Variants in PIK3CD observed in about 807,000 individuals in gnomAD.
The protein encoded by PIK3CD is phosphatidylinositol 4,5-bisphosphate 3-kinase catalytic subunit delta isoform.
In PIK3CD, 20 loss-of-function variants were observed where a neutral mutation model predicts 122.9. That is an observed-to-expected ratio of 0.16 (90% confidence interval 0.11 to 0.24). PIK3CD has a LOEUF of 0.24. Among genes scored for constraint, PIK3CD ranks in the 10% least tolerant of loss-of-function variants. PIK3CD has a pLI of 1.00. For missense variants in PIK3CD, 787 were observed against 1,406.3 expected, an observed-to-expected ratio of 0.56 and a Z score of 7.04; for synonymous variants, 596 against 593.4, an observed-to-expected ratio of 1.00 and a Z score of -0.06.
intron 1 of PIK3CD, among the ~76,000 whole-genome samples, chr1:9,655,697 CTT>C (rs576002642): frequency 9.9e-5 from 12 of 120,756 alleles, no homozygotes; most frequent in Admixed American, 2.8e-4. Context: ...CTTTTTTCTT[CTT>C]TTTTTTTTTT....
chr1:9,667,347 C>T (rs1319838922), intron 1 of PIK3CD, among the ~76,000 whole-genome samples: 1 of 152,070 alleles, frequency 6.6e-6, no homozygotes, highest in East Asian at 1.9e-4. Context: ...AGTTTCATAA[C>T]ATCCTTGCCA....
At chr1:9,641,407 G>A in the PIK3CD span, among the ~76,000 whole-genome samples, 1 of 152,126 alleles carries the variant, frequency 6.6e-6, no homozygotes, top group Non-Finnish European at 1.5e-5. Flanking sequence ...TGGGTCAGAG[G>A]GTACATTATT....
chr1:9,702,215 G>A (rs1165019011), intron 2 of PIK3CD, among the ~76,000 whole-genome samples: 6 of 151,830 alleles, frequency 4.0e-5, no homozygotes, highest in Non-Finnish European at 8.8e-5. Context: ...GGCTGGACTC[G>A]AACTCCTGAC....
At position 9,710,295 on chromosome 1, in the gene PIK3CD, C is replaced by T. The variant is rs1334500681; in HGVS notation, c.-32-129C>T. The T allele has an allele frequency of 3.9e-6, 3 of 778,738 alleles. No individual in the cohort carries two copies. The highest frequency in any genetic ancestry group is 4.5e-6 in the Non-Finnish European group (2 of 448,506). The allele number at this position is 778,738 out of a possible 1,614,324, so 48.2% of individuals were successfully genotyped here. On this transcript the variant is annotated intron_variant, in intron 2 of 23. Coordinates refer to ENST00000377346, the MANE Select transcript of PIK3CD (RefSeq NM_005026.5). The surrounding 1 kb of genome is among the most constrained non-coding windows in gnomAD (Gnocchi z 4.7). ...CCCTGAGGGAGGTGAGCTTTTTGTA[C>T]CCGCAGGTCGGGAACTCACTCCTGA...
the PIK3CD span, among the ~76,000 whole-genome samples, chr1:9,645,095 G>A: frequency 2.7e-5 from 4 of 146,132 alleles, no homozygotes; most frequent in African/African-American, 7.7e-5. Flanking sequence ...GCGCAACCTC[G>A]GCTCACTGCC....
At chr1:9,633,334 T>C in the PIK3CD span, among the ~76,000 whole-genome samples, 6 of 151,576 alleles carry the variant, frequency 4.0e-5, no homozygotes, top group East Asian at 1.2e-3. Flanking sequence ...CAATAATCAA[T>C]GTCGCTCTTG....
intron 2 of PIK3CD, 142 bp downstream of exon 2, chr1:9,691,713 G>A (rs1646203654): frequency 2.6e-6 from 1 of 390,970 alleles, no homozygotes; most frequent in East Asian, 3.6e-5. Context: ...CACACCCAGA[G>A]GAAGAGAGTG....
chr1:9,723,372 G>T lies in PIK3CD; in HGVS notation c.2594+80G>T. The T allele has an allele frequency of 7.0e-7, 1 of 1,437,450 alleles. No individual in the cohort carries two copies. Among genetic ancestry groups the T allele is most frequent in the Non-Finnish European group, 9.8e-7 (1 of 1,020,786 alleles). 89.0% of individuals were successfully genotyped at this position (1,437,450 alleles called of 1,614,324 possible). On this transcript the variant is annotated intron_variant, in intron 20 of 23. Coordinates refer to ENST00000377346, the MANE Select transcript of PIK3CD (RefSeq NM_005026.5). The surrounding 1 kb of genome is among the most constrained non-coding windows in gnomAD (Gnocchi z 4.9). ...GGAGGGCCTCGCCTGTCAGAACAAA[G>T]GAGCGGGGAGGGGCCTCAGACCATC...
the PIK3CD span, among the ~76,000 whole-genome samples, chr1:9,641,080 T>G: frequency 6.6e-6 from 1 of 152,148 alleles, no homozygotes; most frequent in African/African-American, 2.4e-5. Flanking sequence ...AGCACAACAC[T>G]GTATCTTATT....
At position 9,715,047 on chromosome 1, in the gene PIK3CD, C is replaced by T. The variant is rs1453167868; in HGVS notation, c.142-494C>T. Among the ~76,000 whole-genome samples, 1 of 152,110 alleles carries T rather than the reference C, an allele frequency of 6.6e-6. No homozygotes were observed. Among genetic ancestry groups the T allele is most frequent in the Non-Finnish European group, 1.5e-5 (1 of 68,018 alleles). ...AAAAATTTAGCCAGGCATGGTGGTG[C>T]ATGCCTATAATCCCAGCTACTCGGG... is the stretch of plus-strand genomic sequence containing the variant. On this transcript the variant is annotated intron_variant, in intron 3 of 23. Transcript: ENST00000377346. The surrounding 1 kb of genome is among the most constrained non-coding windows in gnomAD (Gnocchi z 4.1).
chr1:9,664,142 G>A (rs1472448117), intron 1 of PIK3CD, among the ~76,000 whole-genome samples: 1 of 147,356 alleles, frequency 6.8e-6, no homozygotes, highest in Non-Finnish European at 1.5e-5. Context: ...TCCACCTCCC[G>A]GGTTCAAGTG....
chr1:9,725,078 A>AGCTCCACTGCTGG, intron 23 of PIK3CD, 142 bp downstream of exon 23: 1 of 1,113,438 alleles, frequency 9.0e-7, no homozygotes, highest in Non-Finnish European at 1.3e-6. Flanking sequence ...AGGACCCAGC[A>AGCTCCACTGCTGG]GTGGAGCTGG....
At chr1:9,697,992 C>T (rs1292499046) in intron 2 of PIK3CD, among the ~76,000 whole-genome samples, 1 of 151,988 alleles carries the variant, frequency 6.6e-6, no homozygotes, top group Non-Finnish European at 1.5e-5. Context: ...GATTGCACCA[C>T]TGCACTCCAG....
At chr1:9,630,740 G>GCA in the PIK3CD span, among the ~76,000 whole-genome samples, 645 of 114,476 alleles carry the variant, frequency 5.6e-3, 3 homozygotes, top group Admixed American at 9.6e-3. Context: ...GTGTGTGTGT[G>GCA]CAGAAGAGGG....
At position 9,716,484 on chromosome 1, in the gene PIK3CD, G is replaced by A. The variant is rs748293821; in HGVS notation, c.645G>A (p.Ala215=). The A allele has an allele frequency of 3.7e-6, 6 of 1,610,986 alleles. No individual in the cohort carries two copies. Among genetic ancestry groups the A allele is most frequent in the African/African-American group, 1.3e-5 (1 of 74,864 alleles). ...TGTCCACCAAGGACGTGCCGCTGGC[G>A]CTGATGGCCTGTGCCCTGCGGAAGA... ...FQVSTKDVPL[A]LMACALRKKA... The change falls in exon 6 of 24, where the codon GCG becomes GCA. Residue 215 remains alanine (A), a synonymous_variant. Transcript: ENST00000377346.
At chr1:9,660,198 C>T (rs1228545262) in intron 1 of PIK3CD, among the ~76,000 whole-genome samples, 1 of 152,256 alleles carries the variant, frequency 6.6e-6, no homozygotes, top group Non-Finnish European at 1.5e-5. Flanking sequence ...AGGCGTGAGC[C>T]ACCGCGCCTG....
chr1:9,698,253 C>G (rs1225188686), intron 2 of PIK3CD, among the ~76,000 whole-genome samples: 1 of 152,158 alleles, frequency 6.6e-6, no homozygotes, highest in Non-Finnish European at 1.5e-5. Context: ...AGCAATTCTC[C>G]TGCCTCACCT....
At position 9,723,374 on chromosome 1, in the gene PIK3CD, A is replaced by G. The variant is rs1466716366; in HGVS notation, c.2594+82A>G. 3.5e-6 allele frequency: 5 copies of G among 1,438,774 alleles called. No individual in the cohort carries two copies. The highest frequency in any genetic ancestry group is 2.8e-5 in the African/African-American group (2 of 71,490). 89.1% of individuals were successfully genotyped at this position (1,438,774 alleles called of 1,614,324 possible). A position where few individuals can be genotyped will look rare whatever the true frequency, so the allele number is the denominator to read the frequency against. The stretch of plus-strand genomic sequence containing the variant: ...AGGGCCTCGCCTGTCAGAACAAAGG[A>G]GCGGGGAGGGGCCTCAGACCATCTT... On this transcript the variant is annotated intron_variant, in intron 20 of 23. Coordinates refer to ENST00000377346, the MANE Select transcript of PIK3CD (RefSeq NM_005026.5). This position sits in a 1 kb window ranked among gnomAD's most constrained non-coding sequence, Gnocchi z 4.9.
At position 9,689,272 on chromosome 1, in the gene PIK3CD, G is replaced by A. The variant is rs1403379419; in HGVS notation, c.-137-2195G>A. Among the ~76,000 whole-genome samples the A allele has an allele frequency of 6.6e-6, 1 of 152,182 alleles. No homozygotes were observed. On this transcript the variant is annotated intron_variant, in intron 1 of 23. Coordinates refer to ENST00000377346, the MANE Select transcript of PIK3CD (RefSeq NM_005026.5). This position sits in a 1 kb window ranked among gnomAD's most constrained non-coding sequence, Gnocchi z 6.1. The stretch of plus-strand genomic sequence containing the variant: ...GCCGTCGGGGTCCCGCGGCTGCTCT[G>A]GGGCTCAGGGTGCGAACCCCAAGGG...
Sources: allele counts gnomAD v4.1 joint callset (sites outside exome capture counted in the v4.1 genomes callset), GRCh38; gene constraint gnomAD v4.1.1; non-coding constraint Gnocchi (gnomAD v3.1); transcripts MANE v1.5; gene names NCBI Gene and HGNC (gene_info 2026-07-23, HGNC 2026-07-21).